Variants in CHCHD3 observed in about 807,000 individuals in gnomAD.
CHCHD3 encodes the protein coiled-coil-helix-coiled-coil-helix domain containing 3.
CHCHD3 carries 20 observed loss-of-function variants against 38.2 expected under a neutral mutation model. The observed-to-expected ratio is 0.52, with a 90% CI of 0.37 to 0.76. CHCHD3 has a LOEUF of 0.76. Ranked by LOEUF, CHCHD3 falls within the 30% of genes least tolerant of loss-of-function variation. The pLI, the probability that CHCHD3 is intolerant of heterozygous loss-of-function variation, is 0.00. For missense variants in CHCHD3, 245 were observed against 279.2 expected, an observed-to-expected ratio of 0.88 and a Z score of 0.87; for synonymous variants, 82 against 100.0, an observed-to-expected ratio of 0.82 and a Z score of 1.07.
intron 2 of CHCHD3, among the ~76,000 whole-genome samples, chr7:133,036,970 T>C (rs1257350995): frequency 6.6e-6 from 1 of 152,222 alleles, no homozygotes; most frequent in Non-Finnish European, 1.5e-5. Context: ...TGCATTTTCA[T>C]AAAGATTTAG....
intron 3 of CHCHD3, among the ~76,000 whole-genome samples, chr7:132,991,276 A>AT (rs1319463512): frequency 2.0e-5 from 3 of 151,906 alleles, no homozygotes; most frequent in East Asian, 1.9e-4. Flanking sequence ...TTGATTGTAC[A>AT]TTTTTTCATA....
At chr7:132,905,109 G>T (rs1809764434) in intron 4 of CHCHD3, among the ~76,000 whole-genome samples, 1 of 145,208 alleles carries the variant, frequency 6.9e-6, no homozygotes, top group Non-Finnish European at 1.5e-5. Context: ...GGGGTGGGGG[G>T]CAGGGGGAGG....
rs370968165 is a variant in CHCHD3, at chr7:133,025,386, CA to C, written c.170-760del. Among the ~76,000 whole-genome samples, 325 of 152,320 alleles carry C rather than the reference CA, an allele frequency of 2.1e-3. 2 individuals carry two copies. Among genetic ancestry groups the C allele is most frequent in the African/African-American group, 7.5e-3 (313 of 41,570 alleles). ...TTAAGAGGCTTCCACAAGAAATAAACAAAGACTAACTCCTCTTCACTACAGA... is the reference window on the plus strand; with the variant it reads ...TTAAGAGGCTTCCACAAGAAATAAACAAGACTAACTCCTCTTCACTACAGA... On this transcript the variant is annotated intron_variant, in intron 2 of 7. Coordinates refer to ENST00000262570, the MANE Select transcript of CHCHD3 (RefSeq NM_017812.4).
At chr7:132,856,975 G>A (rs1042810046) in intron 5 of CHCHD3, among the ~76,000 whole-genome samples, 41 of 152,270 alleles carry the variant, frequency 2.7e-4, no homozygotes, top group African/African-American at 9.9e-4. Flanking sequence ...GGGAAAATGA[G>A]GGTCTCTCTG....
chr7:132,867,616 ACAAT>A (rs1467697396), intron 5 of CHCHD3, among the ~76,000 whole-genome samples: 1 of 152,216 alleles, frequency 6.6e-6, no homozygotes, highest in Non-Finnish European at 1.5e-5. Flanking sequence ...AGTTACTAAT[ACAAT>A]AATAGAAATA....
chr7:132,972,820 T>C (rs1021487665), intron 4 of CHCHD3: 2 of 985,452 alleles, frequency 2.0e-6, no homozygotes, highest in Non-Finnish European at 1.2e-6. Context: ...ATTTGTCATC[T>C]ATACCACACA....
intron 4 of CHCHD3, among the ~76,000 whole-genome samples, chr7:132,910,784 T>C (rs1243165505): frequency 6.6e-6 from 1 of 152,182 alleles, no homozygotes; most frequent in Non-Finnish European, 1.5e-5. Context: ...CCCATGCTCA[T>C]AGCAGACGTT....
At chr7:132,991,614 A>G (rs934128200) in intron 3 of CHCHD3, among the ~76,000 whole-genome samples, 1 of 152,214 alleles carries the variant, frequency 6.6e-6, no homozygotes, top group African/African-American at 2.4e-5. Flanking sequence ...TTGTTTAAAA[A>G]CACAGTTCCA....
chr7:133,050,446 C>T (rs1235241244), intron 2 of CHCHD3, among the ~76,000 whole-genome samples: 1 of 147,198 alleles, frequency 6.8e-6, no homozygotes, highest in East Asian at 2.1e-4. Context: ...TTAACAACTG[C>T]TACATTACTA....
intron 2 of CHCHD3, among the ~76,000 whole-genome samples, chr7:133,027,658 T>C (rs1813384399): frequency 6.6e-6 from 1 of 152,204 alleles, no homozygotes; most frequent in Non-Finnish European, 1.5e-5. Context: ...ACTATGCTTC[T>C]GTTTTGCCTC....
At chr7:132,888,070 T>C (rs1562897273) in intron 4 of CHCHD3, among the ~76,000 whole-genome samples, 1 of 151,278 alleles carries the variant, frequency 6.6e-6, no homozygotes, top group African/African-American at 2.4e-5. Context: ...ACTCAAAGTA[T>C]ACCACTTAAA....
intron 3 of CHCHD3, among the ~76,000 whole-genome samples, chr7:133,000,821 G>A (rs1232627952): frequency 1.3e-5 from 2 of 152,042 alleles, no homozygotes; most frequent in Non-Finnish European, 2.9e-5. Context: ...CTGGAATTTG[G>A]TATACACTTT....
intron 5 of CHCHD3, among the ~76,000 whole-genome samples, chr7:132,872,622 T>C (rs1808793699): frequency 6.6e-6 from 1 of 152,244 alleles, no homozygotes; most frequent in Admixed American, 6.5e-5. Context: ...TATCTAATCA[T>C]GCCCTGTAAT....
intron 4 of CHCHD3, among the ~76,000 whole-genome samples, chr7:132,896,155 G>A (rs1809489435): frequency 6.6e-6 from 1 of 152,202 alleles, no homozygotes. Context: ...TCTTTGTAAT[G>A]TAATGAAATC....
intron 6 of CHCHD3, among the ~76,000 whole-genome samples, chr7:132,805,863 G>A (rs987591314): frequency 6.6e-6 from 1 of 152,186 alleles, no homozygotes; most frequent in African/African-American, 2.4e-5. Flanking sequence ...ATCACAGGAT[G>A]GCTTAGGCCT....
intron 5 of CHCHD3, among the ~76,000 whole-genome samples, chr7:132,883,469 CT>C (rs1355707878): frequency 2.0e-5 from 3 of 152,150 alleles, no homozygotes; most frequent in African/African-American, 7.2e-5. Flanking sequence ...GCCTTGTGCT[CT>C]AAATCAGAGT....
intron 6 of CHCHD3, among the ~76,000 whole-genome samples, chr7:132,803,469 A>C (rs1585527700): frequency 6.6e-6 from 1 of 152,216 alleles, no homozygotes; most frequent in Admixed American, 6.5e-5. Context: ...ACAATGCATC[A>C]ATCATAGATT....
intron 5 of CHCHD3, among the ~76,000 whole-genome samples, chr7:132,872,316 G>T (rs1488416025): frequency 6.6e-6 from 1 of 152,168 alleles, no homozygotes; most frequent in Admixed American, 6.5e-5. Context: ...GGATTCCACA[G>T]GTACAATCCG....
chr7:132,957,424 T>C (rs1399321034), intron 4 of CHCHD3, among the ~76,000 whole-genome samples: 1 of 151,770 alleles, frequency 6.6e-6, no homozygotes, highest in African/African-American at 2.4e-5. Flanking sequence ...CTGATGAGGG[T>C]CTCACCTCAC....
Sources: allele counts gnomAD v4.1 joint callset (sites outside exome capture counted in the v4.1 genomes callset), GRCh38; gene constraint gnomAD v4.1.1; transcripts MANE v1.5; gene names NCBI Gene and HGNC (gene_info 2026-07-23, HGNC 2026-07-21).